FAM234B: variants seen among roughly 807,000 people sequenced by gnomAD.
The protein encoded by FAM234B is protein FAM234B.
In FAM234B, 33 loss-of-function variants were observed where a neutral mutation model predicts 69.3. The ratio of observed to expected loss-of-function variants is 0.48; its 90% CI spans 0.36 to 0.64. The LOEUF (loss-of-function observed/expected upper bound fraction) is 0.64. FAM234B is among the 30% of genes least tolerant of loss of function. FAM234B has a pLI of 0.00. For missense variants in FAM234B, 697 were observed against 769.7 expected (o/e 0.91, Z 1.12); for synonymous variants, 306 against 306.9 (o/e 1.00, Z 0.03).
In FAM234B at chr12:13,049,614, A is replaced by G. The variant is rs866169642; in HGVS notation, c.37+5174A>G. On this transcript the variant is annotated intron_variant, in intron 1 of 12. Coordinates refer to ENST00000197268, the MANE Select transcript of FAM234B (RefSeq NM_020853.2). Reference sequence around the variant, plus strand: ...TATGTCTCTGACTCTGTTTTCAGCAATATCTGTTCCTTTAGCTGATTCCAA... The same window carrying G: ...TATGTCTCTGACTCTGTTTTCAGCAGTATCTGTTCCTTTAGCTGATTCCAA... Among the ~76,000 whole-genome samples the G allele has an allele frequency of 6.6e-5, 10 of 152,198 alleles. No homozygotes were observed. In the South Asian group the frequency reaches 1.4e-3, roughly 22 times the overall value.
At chr12:13,045,812 C>G (rs1426274285) in intron 1 of FAM234B, among the ~76,000 whole-genome samples, 1 of 151,046 alleles carries the variant, frequency 6.6e-6, no homozygotes, top group Non-Finnish European at 1.5e-5. Context: ...AATAAGATGT[C>G]AGACATTTAG....
Position 13,067,107 on chromosome 12 carries a change from A to G in FAM234B, c.1001-48A>G, listed in dbSNP as rs1163908740. On this transcript the variant is annotated intron_variant, in intron 6 of 12. Transcript: ENST00000197268. This position sits in a 1 kb window ranked among gnomAD's most constrained non-coding sequence, Gnocchi z 4.7. ...CTTGCTCAGATCCTCACCATGGGACAGTTCTGTTAAATTCAACTTCTCAGT... is the reference window on the plus strand; with the variant it reads ...CTTGCTCAGATCCTCACCATGGGACGGTTCTGTTAAATTCAACTTCTCAGT... 14 of 1,608,954 alleles carry G rather than the reference A, an allele frequency of 8.7e-6. No individual in the cohort carries two copies. The highest frequency in any genetic ancestry group is 1.2e-5 in the Non-Finnish European group (14 of 1,175,980).
At position 13,061,684 on chromosome 12, in the gene FAM234B, G is replaced by A. The variant is rs1451527826; in HGVS notation, c.642G>A (p.Leu214=). Reference sequence around the variant, plus strand: ...CTCGAGATATCACATGTTTGGAGCTGATGCCAGGAAGCTTGGCTGAAACCA... The same window carrying A: ...CTCGAGATATCACATGTTTGGAGCTAATGCCAGGAAGCTTGGCTGAAACCA... ...EEARDITCLE[L]MPGSLAETIC... is the part of the protein sequence containing the mutation. Residue 214 remains leucine, a synonymous_variant, in exon 4 of 13, where the codon CTG becomes CTA. Transcript: ENST00000197268. The A allele has an allele frequency of 6.2e-7, 1 of 1,614,146 alleles. No individual in the cohort carries two copies.
rs765918887 is a variant in FAM234B, at chr12:13,055,645, T to C, written c.132T>C (p.Asn44=). The C allele has an allele frequency of 2.0e-5, 33 of 1,614,166 alleles. No homozygotes were observed. The highest frequency in any genetic ancestry group is 1.0e-4 in the Admixed American group (6 of 60,018). ...EDDLVLNLQK[N]GGVKNGKSPL... is the part of the protein sequence containing the mutation. ...ATCTGGTGCTTAACCTGCAGAAGAA[T>C]GGAGGGGTCAAAAATGGGAAGAGTC... Residue 44 remains asparagine (N), a synonymous_variant, in exon 2 of 13, where the codon AAT becomes AAC. Transcript: ENST00000197268.
intron 10 of FAM234B, among the ~76,000 whole-genome samples, chr12:13,075,491 G>A (rs1030669188): frequency 2.0e-5 from 3 of 149,232 alleles, no homozygotes; most frequent in Non-Finnish European, 4.4e-5. Context: ...AGGCTGGAGT[G>A]CAGTGGCATG....
At chr12:13,049,081 C>T (rs1395176147) in intron 1 of FAM234B, among the ~76,000 whole-genome samples, 1 of 152,224 alleles carries the variant, frequency 6.6e-6, no homozygotes, top group Non-Finnish European at 1.5e-5. Flanking sequence ...AGCCAAACCA[C>T]ATCCGCTAAT....
chr12:13,052,939 T>C (rs1001021272), intron 1 of FAM234B, among the ~76,000 whole-genome samples: 11 of 152,200 alleles, frequency 7.2e-5, no homozygotes, highest in African/African-American at 2.7e-4. Flanking sequence ...CAAATTATTA[T>C]GTGTAGAGTT....
rs753677077 is a variant in FAM234B, at chr12:13,044,403, C to T, written c.-1C>T. The T allele has an allele frequency of 4.5e-6, 7 of 1,551,648 alleles. No individual in the cohort carries two copies. The highest frequency in any genetic ancestry group is 6.1e-6 in the Non-Finnish European group (7 of 1,147,538). On this transcript the variant is annotated 5_prime_UTR_variant, in exon 1 of 13. Coordinates refer to ENST00000197268, the MANE Select transcript of FAM234B (RefSeq NM_020853.2). The surrounding 1 kb of genome is among the most constrained non-coding windows in gnomAD (Gnocchi z 5.6). ...CGCGCACGCGCACCGGGGCCTCAGCCATGGCGACCGTGCTGTCCAGGGCGC... is the reference window on the plus strand; with the variant it reads ...CGCGCACGCGCACCGGGGCCTCAGCTATGGCGACCGTGCTGTCCAGGGCGC...
intron 6 of FAM234B, 123 bp downstream of exon 6, chr12:13,066,910 A>G (rs1865045649): frequency 1.8e-6 from 2 of 1,142,026 alleles, no homozygotes; most frequent in Non-Finnish European, 1.2e-6. Context: ...CTTCTAATGC[A>G]GGGGCCTCTT....
At chr12:13,078,054 G>A (rs1360505717) in intron 11 of FAM234B, among the ~76,000 whole-genome samples, 1 of 151,092 alleles carries the variant, frequency 6.6e-6, no homozygotes, top group Non-Finnish European at 1.5e-5. Flanking sequence ...TTTTTTGGCT[G>A]CATAAATGTC....
chr12:13,072,854 T>C (rs564986889), intron 10 of FAM234B, among the ~76,000 whole-genome samples: 80 of 152,236 alleles, frequency 5.3e-4, no homozygotes, highest in Non-Finnish European at 1.0e-3. Flanking sequence ...GGGCGTTTCA[T>C]CATGTCAATG....
chr12:13,062,705 A>C, intron 4 of FAM234B, 140 bp from the exon 5 acceptor site: 1 of 809,856 alleles, frequency 1.2e-6, no homozygotes, highest in Non-Finnish European at 1.9e-6. Context: ...TAAGACAAAA[A>C]CGAAAGGCAA....
chr12:13,072,263 T>C (rs1865114338), intron 10 of FAM234B, among the ~76,000 whole-genome samples: 1 of 152,158 alleles, frequency 6.6e-6, no homozygotes, highest in Non-Finnish European at 1.5e-5. Flanking sequence ...TTAATGAACA[T>C]GCTAATATAT....
chr12:13,076,705 G>A (rs1865166622), intron 11 of FAM234B, among the ~76,000 whole-genome samples: 2 of 152,228 alleles, frequency 1.3e-5, no homozygotes, highest in Non-Finnish European at 2.9e-5. Flanking sequence ...TAGCATTTTG[G>A]AAGTGTTCTT....
At position 13,079,947 on chromosome 12, in the gene FAM234B, A is replaced by G. The variant is rs773813594; in HGVS notation, c.1801A>G (p.Ile601Val). ...TCAGCTACAGGAGTCCACCCCCAAA[A>G]TTGGCCGTGGGGAGCTGCGAAGATT... Reference protein sequence around the residue: ...MAQLQESTPKIGRGELRRFLS... With the variant: ...MAQLQESTPKVGRGELRRFLS... Residue 601 changes from isoleucine (I) to valine (V), a missense_variant, in exon 12 of 13, where the codon ATT becomes GTT. This residue lies in a region of FAM234B where 313 missense variants were observed against 305.5 expected (regional missense o/e 1.02). Transcript: ENST00000197268. The G allele has an allele frequency of 3.7e-6, 6 of 1,613,358 alleles. No homozygotes were observed. The highest frequency in any genetic ancestry group is 1.6e-4 in the Middle Eastern group (1 of 6,080).
chr12:13,044,617 G>T lies in FAM234B; in HGVS notation c.37+177G>T, dbSNP rs1864781689. Reference sequence around the variant, plus strand: ...TGGGGTCTCTGTGCCACCAGAGGGCGAGAGGGGCGCCCAGCGGGGCAGGGG... The same window carrying T: ...TGGGGTCTCTGTGCCACCAGAGGGCTAGAGGGGCGCCCAGCGGGGCAGGGG... On this transcript the variant is annotated intron_variant, in intron 1 of 12. Transcript: ENST00000197268. This position sits in a 1 kb window ranked among gnomAD's most constrained non-coding sequence, Gnocchi z 5.6. 6.6e-6 allele frequency among the ~76,000 whole-genome samples: 1 copy of T among 152,248 alleles called. No individual in the cohort carries two copies. Among genetic ancestry groups the T allele is most frequent in the Non-Finnish European group, 1.5e-5 (1 of 68,046 alleles).
At chr12:13,056,603 G>C (rs1591597069) in intron 2 of FAM234B, among the ~76,000 whole-genome samples, 1 of 152,146 alleles carries the variant, frequency 6.6e-6, no homozygotes, top group African/African-American at 2.4e-5. Context: ...ATCTAGAAAT[G>C]TTTATCTCTG....
chr12:13,055,619 G>A lies in FAM234B; in HGVS notation c.106G>A (p.Asp36Asn), dbSNP rs1201772975. Residue 36 changes from aspartate to asparagine, a missense_variant, in exon 2 of 13, where the codon GAT (aspartate) becomes AAT (asparagine). By Grantham distance (23) the Asp-to-Asn change is conservative. Coordinates refer to ENST00000197268, the MANE Select transcript of FAM234B (RefSeq NM_020853.2). ...TQADSDESEDDLVLNLQKNGG... is the reference protein window; with the variant it reads ...TQADSDESEDNLVLNLQKNGG... ...GGCTGACAGTGATGAGAGCGAAGAC[G>A]ATCTGGTGCTTAACCTGCAGAAGAA... is the stretch of plus-strand genomic sequence containing the variant. 5 of 1,614,184 alleles carry A rather than the reference G, an allele frequency of 3.1e-6. No individual in the cohort carries two copies. Among genetic ancestry groups the A allele is most frequent in the East Asian group, 2.2e-5 (1 of 44,878 alleles).
intron 11 of FAM234B, 76 bp downstream of exon 11, chr12:13,076,219 A>G (rs905540010): frequency 9.2e-7 from 1 of 1,086,456 alleles, no homozygotes; most frequent in Admixed American, 1.7e-5. Context: ...TAATGAGACC[A>G]TTGCCCCACC....
Sources: allele counts gnomAD v4.1 joint callset (sites outside exome capture counted in the v4.1 genomes callset), GRCh38; gene constraint gnomAD v4.1.1; regional missense constraint gnomAD v4.1.1; non-coding constraint Gnocchi (gnomAD v3.1); transcripts MANE v1.5; gene names NCBI Gene and HGNC (gene_info 2026-07-23, HGNC 2026-07-21).